Variants in SRCIN1 observed in about 807,000 individuals in gnomAD.
The protein encoded by SRCIN1 is SRC kinase signaling inhibitor 1.
SRCIN1 carries 50 observed loss-of-function variants against 116.2 expected under a neutral mutation model. The observed-to-expected ratio is 0.43, with a 90% CI of 0.34 to 0.54. The LOEUF is 0.54. Ranked by LOEUF, SRCIN1 falls within the 20% of genes least tolerant of loss-of-function variation. SRCIN1 has a pLI of 0.02. For synonymous variants in SRCIN1, 736 were observed against 750.0 expected (o/e 0.98, Z 0.30); for missense variants, 1,446 against 1,672.0 (o/e 0.86, Z 2.36).
At chr17:38,591,074 T>C (rs188917790) in intron 1 of SRCIN1, among the ~76,000 whole-genome samples, 16 of 152,330 alleles carry the variant, frequency 1.1e-4, no homozygotes, top group Admixed American at 4.6e-4. Flanking sequence ...GGGATCCACC[T>C]TTCCACAGCC....
chr17:38,561,533 A>C lies in SRCIN1; in HGVS notation c.1630T>G (p.Phe544Val). The C allele has an allele frequency of 6.3e-7, 1 of 1,599,622 alleles. No homozygotes were observed. ...AGCGAGCGTTCCCCAGGCCCAGGGA[A>C]GAGCTCCGAAGGGGGAGCTCCGGCC... ...STAGAPPSEL[F>V]PGPGERSLVG... is the part of the protein sequence containing the mutation. Residue 544 changes from phenylalanine (F) to valine (V), a missense_variant, in exon 7 of 19, where the codon TTC becomes GTC. Physicochemically the swap from Phe to Val is conservative, Grantham distance 50 (BLOSUM62 -1). Around this residue, in one of 5 missense-constraint regions of SRCIN1, gnomAD observed 398 missense variants for 385.6 expected, o/e 1.03. Transcript: ENST00000617146.
upstream of SRCIN1, among the ~76,000 whole-genome samples, chr17:38,606,240 G>A (rs1452443229): frequency 1.3e-5 from 2 of 151,896 alleles, no homozygotes; most frequent in African/African-American, 4.8e-5. This position sits in a 1 kb window ranked among gnomAD's most constrained non-coding sequence, Gnocchi z 5.2. Context: ...ACCGAGGACC[G>A]GCTCGGAGGA....
intron 2 of SRCIN1, 38 bp downstream of exon 2, chr17:38,578,452 G>GTGGC: frequency 1.3e-6 from 2 of 1,533,132 alleles, no homozygotes; most frequent in African/African-American, 1.4e-5. Flanking sequence ...CCCGCTGGCC[G>GTGGC]CGGCCGCAGC....
intron 18 of SRCIN1, among the ~76,000 whole-genome samples, chr17:38,538,674 C>G (rs927366404): frequency 6.6e-6 from 1 of 152,068 alleles, no homozygotes; most frequent in African/African-American, 2.4e-5. Context: ...TTGATCTATT[C>G]GACCTTCATT....
intron 1 of SRCIN1, among the ~76,000 whole-genome samples, chr17:38,595,279 G>A (rs1031641988): frequency 2.9e-4 from 44 of 151,906 alleles, no homozygotes; most frequent in African/African-American, 1.0e-3. Context: ...GTGCGGTGGC[G>A]CAATCTCGGC....
chr17:38,578,477 G>A lies in SRCIN1; in HGVS notation c.324+13C>T, dbSNP rs1907566362. 2 of 1,534,140 alleles carry A rather than the reference G, an allele frequency of 1.3e-6. No individual in the cohort carries two copies. The highest frequency in any genetic ancestry group is 1.2e-5 in the South Asian group (1 of 82,094). ...GCGGCCGCAGCCGCAGCCGCAGCCG[G>A]GAGCCCACTCACCTGCTCTCGCATC... is the stretch of plus-strand genomic sequence containing the variant. On this transcript the variant is annotated intron_variant, in intron 2 of 18. Transcript: ENST00000617146.
At chr17:38,579,738 A>G (rs1907675936) in intron 1 of SRCIN1, among the ~76,000 whole-genome samples, 1 of 152,094 alleles carries the variant, frequency 6.6e-6, no homozygotes, top group Non-Finnish European at 1.5e-5. Context: ...CCCCTTCCCA[A>G]ATGCTCTCCA....
Position 38,578,454 on chromosome 17 carries a change from G to T in SRCIN1, c.324+36C>A, listed in dbSNP as rs1423229171. On this transcript the variant is annotated intron_variant, in intron 2 of 18. Transcript: ENST00000617146. ...ACCTCCTCCCCTGCCCGCTGGCCGC[G>T]GCCGCAGCCGCAGCCGCAGCCGGGA... is the stretch of plus-strand genomic sequence containing the variant. The T allele has an allele frequency of 2.9e-5, 44 of 1,528,182 alleles. No homozygotes were observed. The Admixed American group carries it at 8.2e-4, about 28-fold the overall frequency. 94.7% of individuals were successfully genotyped at this position (1,528,182 alleles called of 1,614,324 possible). A position where few individuals can be genotyped will look rare whatever the true frequency, so the allele number is the denominator to read the frequency against.
chr17:38,533,874 G>T (rs1028238368), intron 18 of SRCIN1, among the ~76,000 whole-genome samples: 3 of 151,986 alleles, frequency 2.0e-5, no homozygotes, highest in Non-Finnish European at 4.4e-5. Flanking sequence ...CAAATGGCCC[G>T]CTGTACAGCC....
In SRCIN1 at chr17:38,560,883, GCTTCT is replaced by G. The variant is rs548444418; in HGVS notation, c.1701-463_1701-459del. On this transcript the variant is annotated intron_variant, in intron 7 of 18. Coordinates refer to ENST00000617146, the MANE Select transcript of SRCIN1 (RefSeq NM_025248.3). ...CGTAAGAGCTGTGTGAAGGCCAATG[GCTTCT>G]CTTCACTGCTCAGCAGCGCTGCCTG... Among the ~76,000 whole-genome samples the G allele has an allele frequency of 3.4e-3, 520 of 152,342 alleles. 2 individuals are homozygous for G. Among genetic ancestry groups the G allele is most frequent in the Middle Eastern group, 0.024 (7 of 294 alleles).
intron 1 of SRCIN1, among the ~76,000 whole-genome samples, chr17:38,596,754 A>T (rs2143441332): frequency 6.6e-6 from 1 of 151,564 alleles, no homozygotes; most frequent in Non-Finnish European, 1.5e-5. Context: ...GGCATTCCCC[A>T]CCCAAAAGGC....
Position 38,568,139 on chromosome 17 carries a change from C to T in SRCIN1, c.345+72G>A. The stretch of plus-strand genomic sequence containing the variant: ...TGCGCACCCCGGTGCAAAGCCTGTG[C>T]AAGGGAGAGGCAGGGGCAGGGGAGG... On this transcript the variant is annotated intron_variant, in intron 3 of 18. Coordinates refer to ENST00000617146, the MANE Select transcript of SRCIN1 (RefSeq NM_025248.3). The surrounding 1 kb of genome is among the most constrained non-coding windows in gnomAD (Gnocchi z 4.5). The T allele has an allele frequency of 6.3e-7, 1 of 1,580,196 alleles. No individual in the cohort carries two copies. The highest frequency in any genetic ancestry group is 8.7e-7 in the Non-Finnish European group (1 of 1,153,474).
At chr17:38,601,959 T>C (rs965721578) in intron 1 of SRCIN1, among the ~76,000 whole-genome samples, 1 of 150,688 alleles carries the variant, frequency 6.6e-6, no homozygotes, top group African/African-American at 2.4e-5. Flanking sequence ...GCAGGAGAAA[T>C]TGACGAACAG....
intron 1 of SRCIN1, among the ~76,000 whole-genome samples, chr17:38,587,715 G>A (rs993024935): frequency 2.0e-5 from 3 of 152,096 alleles, no homozygotes; most frequent in African/African-American, 7.2e-5. Flanking sequence ...CAGCAGCAAG[G>A]CAGAAACACC....
chr17:38,547,774 T>C, intron 17 of SRCIN1: 2 of 266,554 alleles, frequency 7.5e-6, no homozygotes, highest in Non-Finnish European at 1.5e-5. Context: ...GTGTAGGGCC[T>C]GGGGCTGAGC....
intron 9 of SRCIN1, 23 bp from the exon 10 acceptor site, chr17:38,559,795 G>A: frequency 6.8e-7 from 1 of 1,479,568 alleles, no homozygotes; most frequent in Non-Finnish European, 8.9e-7. Flanking sequence ...ACGAGGATGG[G>A]AGAAAGTGAA....
At chr17:38,576,280 C>T (rs1471313310) in intron 2 of SRCIN1, among the ~76,000 whole-genome samples, 4 of 152,106 alleles carry the variant, frequency 2.6e-5, no homozygotes, top group Non-Finnish European at 5.9e-5. Context: ...TACCACACCA[C>T]GAGACACAAG....
In SRCIN1 at chr17:38,572,128, AC is replaced by A. The variant is rs1164672890; in HGVS notation, c.325-3898del. ...ACGCACCTTCCAAGGAGGGAGGGCA[AC>A]CCACGGGTCCACACCGGCTCCTTAA... On this transcript the variant is annotated intron_variant, in intron 2 of 18. Coordinates refer to ENST00000617146, the MANE Select transcript of SRCIN1 (RefSeq NM_025248.3). This position sits in a 1 kb window ranked among gnomAD's most constrained non-coding sequence, Gnocchi z 4.3. 6.6e-6 allele frequency among the ~76,000 whole-genome samples: 1 copy of A among 151,930 alleles called. No homozygotes were observed. Among genetic ancestry groups the A allele is most frequent in the Non-Finnish European group, 1.5e-5 (1 of 67,976 alleles).
intron 2 of SRCIN1, among the ~76,000 whole-genome samples, chr17:38,571,969 T>A (rs757836597): frequency 6.6e-6 from 1 of 152,134 alleles, no homozygotes; most frequent in African/African-American, 2.4e-5. Flanking sequence ...TCGGCCCTCA[T>A]GCCCTGGGAG....
Sources: gnomAD v4.1 joint callset for allele counts (sites outside exome capture counted in the v4.1 genomes callset) on GRCh38, gnomAD v4.1.1 for gene constraint, gnomAD v4.1.1 regional missense constraint, Gnocchi (gnomAD v3.1) non-coding constraint, MANE v1.5 for transcripts, NCBI Gene and HGNC (gene_info 2026-07-23, HGNC 2026-07-21) for gene names.